GAREM1: variants seen among roughly 807,000 people sequenced by gnomAD.
GAREM1 encodes GRB2 associated regulator of MAPK1 subtype 1.
GAREM1 carries 26 observed loss-of-function variants against 71.3 expected under a neutral mutation model. That is an observed-to-expected ratio of 0.36 (90% CI 0.27 to 0.51). The LOEUF is 0.51. Among genes scored for constraint, GAREM1 ranks in the 20% least tolerant of loss-of-function variants. The pLI is 0.95. For missense variants in GAREM1, 1,026 were observed against 1,103.1 expected, an observed-to-expected ratio of 0.93 and a Z score of 0.99; for synonymous variants, 440 against 433.2, an observed-to-expected ratio of 1.02 and a Z score of -0.20.
At chr18:32,467,246 T>C (rs912570171) in intron 1 of GAREM1, among the ~76,000 whole-genome samples, 3 of 152,218 alleles carry the variant, frequency 2.0e-5, no homozygotes, top group East Asian at 1.9e-4. Context: ...GTATGTATGA[T>C]GGATGAGGCC....
chr18:32,467,503 G>C (rs1427311892), intron 1 of GAREM1, among the ~76,000 whole-genome samples: 4 of 152,122 alleles, frequency 2.6e-5, no homozygotes, highest in Non-Finnish European at 5.9e-5. Flanking sequence ...CTGAATCTTA[G>C]GTTCCTGAAG....
intron 4 of GAREM1, among the ~76,000 whole-genome samples, chr18:32,282,649 A>T (rs1452045041): frequency 1.3e-5 from 2 of 152,136 alleles, no homozygotes; most frequent in Non-Finnish European, 2.9e-5. Context: ...AGCTCAAGTG[A>T]TCTGCCCACC....
chr18:32,358,009 C>T (rs1369966461), intron 2 of GAREM1, among the ~76,000 whole-genome samples: 2 of 152,098 alleles, frequency 1.3e-5, no homozygotes, highest in Non-Finnish European at 2.9e-5. Flanking sequence ...TTTAAAATTA[C>T]TTTACTAACC....
At chr18:32,345,040 C>A (rs181409757) in intron 2 of GAREM1, among the ~76,000 whole-genome samples, 1 of 152,018 alleles carries the variant, frequency 6.6e-6, no homozygotes. Context: ...CCAGCCTGGG[C>A]GAAAGAGCAA....
intron 2 of GAREM1, among the ~76,000 whole-genome samples, chr18:32,391,862 G>A (rs561666355): frequency 6.6e-6 from 1 of 152,178 alleles, no homozygotes; most frequent in African/African-American, 2.4e-5. Context: ...GGATTTTTGA[G>A]AAGCTAAGTA....
At chr18:32,315,023 TATG>T (rs1178709694) in intron 2 of GAREM1, among the ~76,000 whole-genome samples, 1 of 152,244 alleles carries the variant, frequency 6.6e-6, no homozygotes, top group Non-Finnish European at 1.5e-5. Context: ...ATTGTAATTT[TATG>T]ATGAGTATTT....
In GAREM1 at chr18:32,392,963, G is replaced by T; in HGVS notation, c.194C>A (p.Thr65Asn). The change falls in exon 2 of 6, where the codon ACT becomes AAT. Residue 65 changes from threonine to asparagine, a missense_variant. Physicochemically the swap from Thr to Asn is moderately conservative, Grantham distance 65 (BLOSUM62 0). Coordinates refer to ENST00000269209, the MANE Select transcript of GAREM1 (RefSeq NM_001242409.2). ...GTGACCCTCCTCCAAGCTGTGGGCA[G>T]TGATGGTGGTCCACTGGCGGCAGGA... Reference protein sequence around the residue: ...IHSCRQWTTITAHSLEEGHYV... With the variant: ...IHSCRQWTTINAHSLEEGHYV... 1 of 1,613,880 alleles carries T rather than the reference G, an allele frequency of 6.2e-7. No homozygotes were observed. The highest frequency in any genetic ancestry group is 8.5e-7 in the Non-Finnish European group (1 of 1,179,860).
intron 1 of GAREM1, among the ~76,000 whole-genome samples, chr18:32,449,445 AGG>A (rs2144289639): frequency 6.6e-6 from 1 of 152,288 alleles, no homozygotes; most frequent in Admixed American, 6.5e-5. Flanking sequence ...CCAGCACTTT[AGG>A]AGGCCGAGGC....
chr18:32,453,433 G>A (rs578210237), intron 1 of GAREM1, among the ~76,000 whole-genome samples: 13 of 152,226 alleles, frequency 8.5e-5, no homozygotes, highest in East Asian at 5.8e-4. Context: ...GCTGAAAGTC[G>A]AAAACCGAGC....
chr18:32,370,202 G>A (rs561353352), intron 2 of GAREM1, among the ~76,000 whole-genome samples: 4 of 152,182 alleles, frequency 2.6e-5, no homozygotes, highest in Non-Finnish European at 5.9e-5. Context: ...GGGGGCCGAG[G>A]CCGGCGGAAC....
At chr18:32,426,611 TTC>T (rs2048578171) in intron 1 of GAREM1, among the ~76,000 whole-genome samples, 1 of 152,200 alleles carries the variant, frequency 6.6e-6, no homozygotes, top group African/African-American at 2.4e-5. Context: ...CATTTTCTTT[TTC>T]TATAGAAATT....
Position 32,470,191 on chromosome 18 carries a change from C to T in GAREM1, c.121+117G>A. ...CGGCAGCCGCTCGGGCCAACTCCGG[C>T]GCTCAGGGGCGGGCAGCCCACTCCC... On this transcript the variant is annotated intron_variant, in intron 1 of 5. Coordinates refer to ENST00000269209, the MANE Select transcript of GAREM1 (RefSeq NM_001242409.2). The surrounding 1 kb of genome is among the most constrained non-coding windows in gnomAD (Gnocchi z 4.4). The T allele has an allele frequency of 2.4e-6, 3 of 1,234,540 alleles. No homozygotes were observed. The highest frequency in any genetic ancestry group is 3.1e-6 in the Non-Finnish European group (3 of 973,044). The allele number at this position is 1,234,540 out of a possible 1,614,324, so 76.5% of individuals were successfully genotyped here.
At chr18:32,352,617 A>G (rs1485552730) in intron 2 of GAREM1, among the ~76,000 whole-genome samples, 1 of 152,012 alleles carries the variant, frequency 6.6e-6, no homozygotes, top group African/African-American at 2.4e-5. Context: ...AAGAGGGGAC[A>G]GGGGGTTTAG....
chr18:32,337,313 C>T (rs533108653), intron 2 of GAREM1, among the ~76,000 whole-genome samples: 3 of 152,332 alleles, frequency 2.0e-5, no homozygotes, highest in East Asian at 3.9e-4. Context: ...CACACTTAAA[C>T]GTCATCCTGG....
intron 3 of GAREM1, among the ~76,000 whole-genome samples, chr18:32,292,254 T>C (rs2047095026): frequency 6.6e-6 from 1 of 152,180 alleles, no homozygotes; most frequent in Non-Finnish European, 1.5e-5. Flanking sequence ...GATGATGATT[T>C]TTTTTTTCAT....
At chr18:32,379,848 C>T (rs2048077662) in intron 2 of GAREM1, among the ~76,000 whole-genome samples, 1 of 152,072 alleles carries the variant, frequency 6.6e-6, no homozygotes, top group African/African-American at 2.4e-5. Flanking sequence ...TTAATTTCAA[C>T]ACCATTTAAA....
rs765199778 is a variant in GAREM1 at position 32,270,391 on chromosome 18, A to C, written c.1567-8T>G. On this transcript the variant is annotated splice_region_variant and splice_polypyrimidine_tract_variant and intron_variant, in intron 4 of 5. Transcript: ENST00000269209. ...CCGGCATTCTTCTCTGACCTGGCGC[A>C]GAAAAGAACACTCCAGGTTAGCAAC... 26 of 1,606,574 alleles carry C rather than the reference A, an allele frequency of 1.6e-5. No individual in the cohort carries two copies. Among genetic ancestry groups the C allele is most frequent in the Non-Finnish European group, 2.1e-5 (25 of 1,176,730 alleles).
intron 2 of GAREM1, among the ~76,000 whole-genome samples, 176 bp downstream of exon 2, chr18:32,392,719 T>C (rs2048214619): frequency 6.6e-6 from 1 of 152,238 alleles, no homozygotes; most frequent in Non-Finnish European, 1.5e-5. Context: ...ATGCATTAAT[T>C]AGAAATACTT....
chr18:32,407,387 C>T (rs896451537), intron 1 of GAREM1, among the ~76,000 whole-genome samples: 1 of 152,132 alleles, frequency 6.6e-6, no homozygotes, highest in Non-Finnish European at 1.5e-5. Context: ...GAGCCAAGAT[C>T]GCACCATTGC....
Sources: allele counts gnomAD v4.1 joint callset (sites outside exome capture counted in the v4.1 genomes callset), GRCh38; gene constraint gnomAD v4.1.1; non-coding constraint Gnocchi (gnomAD v3.1); transcripts MANE v1.5; gene names NCBI Gene and HGNC (gene_info 2026-07-23, HGNC 2026-07-21).